The following TTF2 variants were observed in gnomAD, a reference collection of about 807,000 sequenced individuals.
TTF2 encodes transcription termination factor 2, also known as RNA polymerase II termination factor.
TTF2 carries 108 observed loss-of-function variants against 142.4 expected under a neutral mutation model. That is an observed-to-expected ratio of 0.76 (90% CI 0.65 to 0.89). The LOEUF (loss-of-function observed/expected upper bound fraction) is 0.89, where lower values mean the gene tolerates loss of function less well. Ranked by LOEUF, TTF2 falls within the 40% of genes least tolerant of loss-of-function variation. The pLI, the probability that TTF2 is intolerant of heterozygous loss-of-function variation, is 0.00. For missense variants in TTF2, 1,327 were observed against 1,379.8 expected (o/e 0.96, Z 0.61); for synonymous variants, 483 against 506.2 (o/e 0.95, Z 0.61).
chr1:117,094,769 A>G, intron 18 of TTF2: 1 of 398,306 alleles, frequency 2.5e-6, no homozygotes, highest in Non-Finnish European at 5.0e-6. Context: ...GAAGCAAGAG[A>G]TAATAAGCAA....
intron 10 of TTF2, among the ~76,000 whole-genome samples, chr1:117,083,210 C>A (rs557773934): frequency 2.0e-5 from 3 of 150,808 alleles, no homozygotes; most frequent in Admixed American, 2.0e-4. Context: ...CCACTGCACT[C>A]CAGCCTGGGT....
rs1649807602 is a variant in TTF2, at chr1:117,104,458, A to G, written c.*2934A>G. ...AAGCATTCTGGCTTTTAGTTTGGAGAGGGATGCAGGGATTGTAACTTAAAA... is the reference window on the plus strand; with the variant it reads ...AAGCATTCTGGCTTTTAGTTTGGAGGGGGATGCAGGGATTGTAACTTAAAA... On this transcript the variant is annotated 3_prime_UTR_variant, in exon 23 of 23. Coordinates refer to ENST00000369466, the MANE Select transcript of TTF2 (RefSeq NM_003594.4). The G allele has an allele frequency of 6.6e-6, 1 of 152,186 alleles. No individual in the cohort carries two copies. The highest frequency in any genetic ancestry group is 1.5e-5 in the Non-Finnish European group (1 of 68,044). The allele number at this position is 152,186 out of a possible 1,614,324, so 9.4% of individuals were successfully genotyped here.
rs1557813925 is a variant in TTF2, at chr1:117,079,083, TAAG to T, written c.1702-482_1702-480del. ...GGTGAAACCCCATCTCTACTAAAAA[TAAG>T]AAAATTAGCTGGGCATGGTGGCATA... On this transcript the variant is annotated intron_variant, in intron 8 of 22. Coordinates refer to ENST00000369466, the MANE Select transcript of TTF2 (RefSeq NM_003594.4). This position sits in a 1 kb window ranked among gnomAD's most constrained non-coding sequence, Gnocchi z 4.2. 6.6e-6 allele frequency among the ~76,000 whole-genome samples: 1 copy of T among 151,846 alleles called. No homozygotes were observed. The highest frequency in any genetic ancestry group is 1.9e-4 in the East Asian group (1 of 5,144).
chr1:117,065,184 A>T (rs1173253652), intron 3 of TTF2, among the ~76,000 whole-genome samples: 1 of 152,168 alleles, frequency 6.6e-6, no homozygotes, highest in African/African-American at 2.4e-5. Flanking sequence ...TTTCCATATA[A>T]AATGTAGAAT....
rs1323898553 is a variant in TTF2 at position 117,101,597 on chromosome 1, A to G, written c.*73A>G. 4 of 1,428,462 alleles carry G rather than the reference A, an allele frequency of 2.8e-6. No homozygotes were observed. Among genetic ancestry groups the G allele is most frequent in the Non-Finnish European group, 3.7e-6 (4 of 1,084,316 alleles). 88.5% of individuals were successfully genotyped at this position (1,428,462 alleles called of 1,614,324 possible). ...AGGATCTGGGAATAACAACCTAACC[A>G]TGAGCCTTGAACTCTGTTCTTTGCA... On this transcript the variant is annotated 3_prime_UTR_variant, in exon 23 of 23. Coordinates refer to ENST00000369466, the MANE Select transcript of TTF2 (RefSeq NM_003594.4). This position sits in a 1 kb window ranked among gnomAD's most constrained non-coding sequence, Gnocchi z 5.9.
At position 117,063,606 on chromosome 1, in the gene TTF2, T is replaced by C. The variant is rs753029268; in HGVS notation, c.218+1133T>C. On this transcript the variant is annotated intron_variant, in intron 3 of 22. Transcript: ENST00000369466. This position sits in a 1 kb window ranked among gnomAD's most constrained non-coding sequence, Gnocchi z 4.1. The stretch of plus-strand genomic sequence containing the variant: ...TGTGGAGTTGAATTTCATTTATAAA[T>C]GCACCACTTTGTTTGGTGTGCCTAT... Among the ~76,000 whole-genome samples, 3 of 152,262 alleles carry C rather than the reference T, an allele frequency of 2.0e-5. No individual in the cohort carries two copies. Among genetic ancestry groups the C allele is most frequent in the Non-Finnish European group, 4.4e-5 (3 of 68,044 alleles).
Position 117,090,151 on chromosome 1 carries a change from C to G in TTF2, c.2439C>G (p.Thr813=), listed in dbSNP as rs893198052. 1 of 1,614,008 alleles carries G rather than the reference C, an allele frequency of 6.2e-7. No individual in the cohort carries two copies. The highest frequency in any genetic ancestry group is 8.5e-7 in the Non-Finnish European group (1 of 1,180,008). The change falls in exon 14 of 23, where the codon ACC becomes ACG. Residue 813 remains threonine (T), a synonymous_variant. Coordinates refer to ENST00000369466, the MANE Select transcript of TTF2 (RefSeq NM_003594.4). The surrounding 1 kb of genome is among the most constrained non-coding windows in gnomAD (Gnocchi z 4.8). ...KKGGERLSIL[T]KSLLLRRTKD... ...GAGGAGAACGGTTAAGTATTTTAAC[C>G]AAGAGCCTTTTGCTGAGGAGAACAA...
intron 7 of TTF2, 100 bp from the exon 8 acceptor site, chr1:117,077,816 G>T: frequency 6.7e-7 from 1 of 1,487,914 alleles, no homozygotes; most frequent in African/African-American, 1.4e-5. Context: ...AACAAGGAGG[G>T]TAAGAAACAG....
intron 2 of TTF2, among the ~76,000 whole-genome samples, chr1:117,061,656 G>A (rs147548481): frequency 6.6e-6 from 1 of 152,060 alleles, no homozygotes; most frequent in African/African-American, 2.4e-5. Context: ...TACCTTTGCA[G>A]GAATTCAACA....
intron 11 of TTF2, 36 bp downstream of exon 11, chr1:117,084,204 G>T: frequency 1.2e-6 from 2 of 1,612,064 alleles, no homozygotes; most frequent in Non-Finnish European, 1.7e-6. Flanking sequence ...GGGGCGTTCA[G>T]CACCTCTGCC....
chr1:117,096,617 A>G (rs1252171336), intron 20 of TTF2, among the ~76,000 whole-genome samples: 1 of 152,180 alleles, frequency 6.6e-6, no homozygotes, highest in African/African-American at 2.4e-5. Context: ...ACCTCAGGTG[A>G]TCCACCTGCC....
intron 3 of TTF2, among the ~76,000 whole-genome samples, chr1:117,065,650 T>C (rs1656038133): frequency 1.3e-5 from 2 of 152,232 alleles, no homozygotes; most frequent in South Asian, 4.1e-4. Context: ...AGAGTTCCTA[T>C]GCATCTTTTG....
At position 117,078,141 on chromosome 1, in the gene TTF2, C is replaced by T. The variant is rs1019209458; in HGVS notation, c.1701+98C>T. 18 of 1,467,196 alleles carry T rather than the reference C, an allele frequency of 1.2e-5. No homozygotes were observed. The East Asian group carries it at 1.5e-4, about 12-fold the overall frequency. 90.9% of individuals were successfully genotyped at this position (1,467,196 alleles called of 1,614,324 possible). ...GAGACTTTCTGAGATACCTTTCCTACAGACAGATGCTTAAATGGCTTCCCT... is the reference window on the plus strand; with the variant it reads ...GAGACTTTCTGAGATACCTTTCCTATAGACAGATGCTTAAATGGCTTCCCT... On this transcript the variant is annotated intron_variant, in intron 8 of 22. Coordinates refer to ENST00000369466, the MANE Select transcript of TTF2 (RefSeq NM_003594.4).
At chr1:117,065,659 T>C (rs1450973003) in intron 3 of TTF2, among the ~76,000 whole-genome samples, 2 of 152,252 alleles carry the variant, frequency 1.3e-5, no homozygotes, top group African/African-American at 4.8e-5. Flanking sequence ...ATGCATCTTT[T>C]GTTAAATTTA....
At chr1:117,088,320 G>A (rs570221052) in intron 12 of TTF2, among the ~76,000 whole-genome samples, 10 of 152,218 alleles carry the variant, frequency 6.6e-5, no homozygotes, top group Admixed American at 2.0e-4. Context: ...GGTGGATCAC[G>A]AGGTCAGGAG....
chr1:117,099,333 C>A lies in TTF2; in HGVS notation c.3344+426C>A, dbSNP rs1034682717. Among the ~76,000 whole-genome samples, 1 of 152,126 alleles carries A rather than the reference C, an allele frequency of 6.6e-6. No individual in the cohort carries two copies. The highest frequency in any genetic ancestry group is 1.5e-5 in the Non-Finnish European group (1 of 68,028). On this transcript the variant is annotated intron_variant, in intron 22 of 22. Coordinates refer to ENST00000369466, the MANE Select transcript of TTF2 (RefSeq NM_003594.4). The surrounding 1 kb of genome is among the most constrained non-coding windows in gnomAD (Gnocchi z 4.3). ...CCTGATGCTCCTTTGTCCCTAAGTA[C>A]TTAAGTGTACATTTCTTAAAATTAA... is the stretch of plus-strand genomic sequence containing the variant.
Position 117,103,336 on chromosome 1 carries a change from A to G in TTF2, c.*1812A>G, listed in dbSNP as rs1040564996. 1.3e-5 allele frequency: 2 copies of G among 152,010 alleles called. No homozygotes were observed. Among genetic ancestry groups the G allele is most frequent in the African/African-American group, 4.8e-5 (2 of 41,356 alleles). The allele number at this position is 152,010 out of a possible 1,614,324, so 9.4% of individuals were successfully genotyped here. ...TTTGTACCCTAAACAAACACTTGAG[A>G]TTTTATACTTCAGGAAACTATTCAG... On this transcript the variant is annotated 3_prime_UTR_variant, in exon 23 of 23. Transcript: ENST00000369466.
chr1:117,096,077 G>T, intron 19 of TTF2, 72 bp from the exon 20 acceptor site: 1 of 1,538,408 alleles, frequency 6.5e-7, no homozygotes, highest in East Asian at 2.3e-5. Context: ...GAATGATGAG[G>T]GCATTAAAGC....
chr1:117,060,568 A>G lies in TTF2; in HGVS notation c.131+11A>G. 2 of 1,595,204 alleles carry G rather than the reference A, an allele frequency of 1.3e-6. No individual in the cohort carries two copies. The highest frequency in any genetic ancestry group is 2.2e-5 in the South Asian group (2 of 89,798). On this transcript the variant is annotated intron_variant, in intron 2 of 22. Coordinates refer to ENST00000369466, the MANE Select transcript of TTF2 (RefSeq NM_003594.4). ...CGTGCGGGCCACCGAGTAGGTCTGG[A>G]GCTGGGCCCCACTCCCTGTGGCTGC...
Sources: gnomAD v4.1 joint callset for allele counts (sites outside exome capture counted in the v4.1 genomes callset) on GRCh38, gnomAD v4.1.1 for gene constraint, Gnocchi (gnomAD v3.1) non-coding constraint, MANE v1.5 for transcripts, NCBI Gene and HGNC (gene_info 2026-07-23, HGNC 2026-07-21) for gene names.